The following ATP11B variants were observed in gnomAD, a reference collection of about 807,000 sequenced individuals.
ATP11B encodes ATPase phospholipid transporting 11B (putative).
ATP11B carries 81 observed loss-of-function variants against 157.8 expected under a neutral mutation model. The observed-to-expected ratio is 0.51, with a 90% CI of 0.43 to 0.62. The LOEUF (loss-of-function observed/expected upper bound fraction) is 0.62. Ranked by LOEUF, ATP11B falls within the 20% of genes least tolerant of loss-of-function variation. The pLI, the probability that ATP11B is intolerant of heterozygous loss-of-function variation, is 0.00. For synonymous variants in ATP11B, 451 were observed against 469.4 expected (o/e 0.96, Z 0.51); for missense variants, 1,165 against 1,402.2 (o/e 0.83, Z 2.70).
chr3:182,867,050 G>A (rs1721294436), intron 14 of ATP11B, among the ~76,000 whole-genome samples: 1 of 151,632 alleles, frequency 6.6e-6, no homozygotes, highest in Non-Finnish European at 1.5e-5. Context: ...CCAGACACCT[G>A]AGTAGCTGGG....
At chr3:182,913,722 A>T in intron 28 of ATP11B, 139 bp from the exon 29 acceptor site, 1 of 1,415,960 alleles carries the variant, frequency 7.1e-7, no homozygotes, top group African/African-American at 1.4e-5. Context: ...AAAGCCTTTC[A>T]TATGTTTCCC....
At chr3:182,836,689 G>GT in intron 6 of ATP11B, 1 of 494,398 alleles carries the variant, frequency 2.0e-6, no homozygotes, top group Non-Finnish European at 3.5e-6. Context: ...AAAACAGAAG[G>GT]TGTTTTTAGG....
At chr3:182,882,093 A>C (rs189905321) in intron 21 of ATP11B, among the ~76,000 whole-genome samples, 1 of 152,274 alleles carries the variant, frequency 6.6e-6, no homozygotes, top group African/African-American at 2.4e-5. Context: ...TTTTTTATGG[A>C]AGGATAAAAT....
At chr3:182,796,886 T>TA (rs1715642968) in intron 1 of ATP11B, among the ~76,000 whole-genome samples, 1 of 152,226 alleles carries the variant, frequency 6.6e-6, no homozygotes, top group Admixed American at 6.5e-5. Flanking sequence ...ACAGTATTAC[T>TA]AGGATAACTG....
At chr3:182,901,504 C>A (rs1723966786) in intron 28 of ATP11B, among the ~76,000 whole-genome samples, 1 of 152,090 alleles carries the variant, frequency 6.6e-6, no homozygotes, top group African/African-American at 2.4e-5. Flanking sequence ...ATCTGAACTG[C>A]TTCAATGAGC....
chr3:182,867,535 G>GC, intron 15 of ATP11B, 91 bp downstream of exon 15: 1 of 680,926 alleles, frequency 1.5e-6, no homozygotes, highest in South Asian at 2.0e-5. Context: ...CAGGGCAAAT[G>GC]TGGCCTATAT....
intron 1 of ATP11B, among the ~76,000 whole-genome samples, chr3:182,818,301 A>G (rs187571765): frequency 1.1e-4 from 16 of 152,332 alleles, no homozygotes; most frequent in Non-Finnish European, 1.9e-4. Context: ...CCTTGAAACT[A>G]TTTGTTCATT....
intron 14 of ATP11B, 129 bp from the exon 15 acceptor site, chr3:182,867,247 A>G (rs1721311278): frequency 4.5e-6 from 3 of 664,388 alleles, no homozygotes; most frequent in Non-Finnish European, 7.6e-6. Context: ...GTAATATTAA[A>G]AGGAAATATT....
At chr3:182,809,458 G>A (rs1209783343) in intron 1 of ATP11B, among the ~76,000 whole-genome samples, 3 of 152,004 alleles carry the variant, frequency 2.0e-5, no homozygotes, top group East Asian at 1.9e-4. Flanking sequence ...CATGTTGGCC[G>A]GGCCGTTCTT....
At chr3:182,794,896 G>C (rs1715503345) in intron 1 of ATP11B, among the ~76,000 whole-genome samples, 1 of 152,152 alleles carries the variant, frequency 6.6e-6, no homozygotes, top group East Asian at 1.9e-4. Flanking sequence ...AGTGAAACAG[G>C]AACTATTTTT....
intron 10 of ATP11B, among the ~76,000 whole-genome samples, chr3:182,852,545 A>G (rs1720062314): frequency 1.3e-5 from 2 of 152,212 alleles, no homozygotes; most frequent in Admixed American, 1.3e-4. Flanking sequence ...TGAAACAGAA[A>G]GTCTAAATAA....
intron 25 of ATP11B, among the ~76,000 whole-genome samples, chr3:182,894,020 T>C (rs904635859): frequency 2.0e-4 from 31 of 152,196 alleles, no homozygotes; most frequent in African/African-American, 7.2e-4. Context: ...GGCCACTTTT[T>C]GATGAGATTA....
chr3:182,824,391 C>T (rs1310132416), intron 2 of ATP11B, among the ~76,000 whole-genome samples: 1 of 152,204 alleles, frequency 6.6e-6, no homozygotes, highest in Non-Finnish European at 1.5e-5. Flanking sequence ...TAGGTGGATA[C>T]TGTCTCCAAG....
chr3:182,914,347 T>C (rs1725005393), intron 29 of ATP11B: 1 of 976,198 alleles, frequency 1.0e-6, no homozygotes, highest in African/African-American at 1.8e-5. Context: ...TCCTTTTTAT[T>C]TTTTTAAAAT....
intron 6 of ATP11B, chr3:182,836,686 A>G (rs984512807): frequency 3.9e-6 from 2 of 507,834 alleles, no homozygotes; most frequent in African/African-American, 4.0e-5. Flanking sequence ...TTAAAAACAG[A>G]AGGTGTTTTT....
In ATP11B at chr3:182,920,582, G is replaced by A. The variant is rs1174088660; in HGVS notation, c.*2478G>A. 6.6e-6 allele frequency: 1 copy of A among 152,138 alleles called. No individual in the cohort carries two copies. The highest frequency in any genetic ancestry group is 1.5e-5 in the Non-Finnish European group (1 of 68,034). The allele number at this position is 152,138 out of a possible 1,614,324, so 9.4% of individuals were successfully genotyped here. ...AAAACCAGAGCAAAATGCTAAATAC[G>A]TTATTGCTAATCAGTGGTCTCAAAT... On this transcript the variant is annotated 3_prime_UTR_variant, in exon 30 of 30. Coordinates refer to ENST00000323116, the MANE Select transcript of ATP11B (RefSeq NM_014616.3).
chr3:182,853,530 G>T (rs1720143526), intron 10 of ATP11B, among the ~76,000 whole-genome samples: 1 of 152,030 alleles, frequency 6.6e-6, no homozygotes, highest in Non-Finnish European at 1.5e-5. Flanking sequence ...GTAAGAAACA[G>T]TTAAGAAAAT....
intron 28 of ATP11B, among the ~76,000 whole-genome samples, chr3:182,910,348 G>A (rs1361883393): frequency 2.0e-5 from 3 of 151,922 alleles, no homozygotes; most frequent in African/African-American, 7.3e-5. Flanking sequence ...GGCTGAGGTG[G>A]GAGGACCACT....
At chr3:182,882,495 G>T (rs373492384) in intron 21 of ATP11B, among the ~76,000 whole-genome samples, 2 of 151,470 alleles carry the variant, frequency 1.3e-5, no homozygotes, top group East Asian at 3.9e-4. Flanking sequence ...GGATAAAACT[G>T]GTTAGTGATT....
Sources: allele counts gnomAD v4.1 joint callset (sites outside exome capture counted in the v4.1 genomes callset), GRCh38; gene constraint gnomAD v4.1.1; transcripts MANE v1.5; gene names NCBI Gene and HGNC (gene_info 2026-07-23, HGNC 2026-07-21).